Variants in CFAP96 observed in about 807,000 individuals in gnomAD.
CFAP96 encodes cilia and flagella associated protein 96.
the CFAP96 span, chr4:185,415,852 T>C: frequency 9.3e-6 from 15 of 1,613,078 alleles, no homozygotes; most frequent in Admixed American, 1.5e-4. Flanking sequence ...ATAAGATCTA[T>C]ATTTACTATT....
chr4:185,413,264 T>C, the CFAP96 span, among the ~76,000 whole-genome samples: 1 of 152,208 alleles, frequency 6.6e-6, no homozygotes, highest in Non-Finnish European at 1.5e-5. Context: ...GGCAGGTGCC[T>C]GTAACCCCAG....
the CFAP96 span, among the ~76,000 whole-genome samples, chr4:185,414,471 G>C: frequency 2.0e-5 from 3 of 152,128 alleles, no homozygotes; most frequent in African/African-American, 4.8e-5. Context: ...TTGTACTCCA[G>C]TGGTTTTAAA....
the CFAP96 span, among the ~76,000 whole-genome samples, chr4:185,409,846 TGAG>T: frequency 6.6e-6 from 1 of 152,116 alleles, no homozygotes; most frequent in African/African-American, 2.4e-5. Context: ...GTAATGTGAC[TGAG>T]GAGGCAGAGA....
At chr4:185,443,323 T>TATAC in the CFAP96 span, among the ~76,000 whole-genome samples, 11 of 34,184 alleles carry the variant, frequency 3.2e-4, no homozygotes, top group African/African-American at 9.6e-4. Flanking sequence ...TTTTTATGTA[T>TATAC]ATATATATAT....
At chr4:185,428,520 C>T in the CFAP96 span, among the ~76,000 whole-genome samples, 1 of 146,384 alleles carries the variant, frequency 6.8e-6, no homozygotes, top group Non-Finnish European at 1.5e-5. Context: ...TATAGTGAGC[C>T]AAGAACATGC....
chr4:185,411,162 A>AG, the CFAP96 span, among the ~76,000 whole-genome samples: 2 of 151,840 alleles, frequency 1.3e-5, no homozygotes, highest in Non-Finnish European at 2.9e-5. Flanking sequence ...AATGATATGA[A>AG]GAATGAAAAA....
At chr4:185,408,552 A>T in the CFAP96 span, 1 of 1,075,242 alleles carries the variant, frequency 9.3e-7, no homozygotes, top group Non-Finnish European at 1.3e-6. Flanking sequence ...TTAGTTCCTT[A>T]TAAAAATGCC....
the CFAP96 span, among the ~76,000 whole-genome samples, chr4:185,433,396 C>CAA: frequency 1.1e-4 from 3 of 27,952 alleles, no homozygotes; most frequent in African/African-American, 3.2e-4. Context: ...GACTCCATCT[C>CAA]AAAAAAAAAA....
the CFAP96 span, among the ~76,000 whole-genome samples, chr4:185,432,627 C>T: frequency 6.6e-6 from 1 of 152,012 alleles, no homozygotes; most frequent in African/African-American, 2.4e-5. Flanking sequence ...CTTTTGGAGG[C>T]CGAGCTAGGA....
the CFAP96 span, among the ~76,000 whole-genome samples, chr4:185,420,036 T>C: frequency 2.0e-5 from 3 of 152,330 alleles, no homozygotes; most frequent in Middle Eastern, 6.8e-3. Context: ...CAGTAATCTA[T>C]AAGGATTCCA....
chr4:185,420,629 A>C, the CFAP96 span, among the ~76,000 whole-genome samples: 2 of 152,346 alleles, frequency 1.3e-5, no homozygotes, highest in East Asian at 3.9e-4. Flanking sequence ...GCAGAATTTA[A>C]AGATTTTCAG....
At chr4:185,410,996 C>G in the CFAP96 span, among the ~76,000 whole-genome samples, 3 of 149,364 alleles carry the variant, frequency 2.0e-5, no homozygotes, top group African/African-American at 7.4e-5. Flanking sequence ...CTAACATGTC[C>G]AACTTAAGAA....
At chr4:185,425,940 T>A in the CFAP96 span, 4 of 1,540,682 alleles carry the variant, frequency 2.6e-6, no homozygotes, top group African/African-American at 2.7e-5. Context: ...TGAAGTGGTG[T>A]CACCGCACGG....
the CFAP96 span, among the ~76,000 whole-genome samples, chr4:185,447,488 A>G: frequency 1.3e-5 from 2 of 151,972 alleles, no homozygotes; most frequent in African/African-American, 2.4e-5. Context: ...CCGATTTTAT[A>G]TTTTTTCAAA....
At chr4:185,423,522 G>C in the CFAP96 span, among the ~76,000 whole-genome samples, 1 of 151,686 alleles carries the variant, frequency 6.6e-6, no homozygotes, top group Admixed American at 6.6e-5. Context: ...ACAAAGATTC[G>C]GGTACATGGA....
the CFAP96 span, among the ~76,000 whole-genome samples, chr4:185,434,635 T>G: frequency 6.6e-6 from 1 of 152,102 alleles, no homozygotes; most frequent in South Asian, 2.1e-4. Flanking sequence ...TATAATTTAG[T>G]GGATACAGAA....
chr4:185,418,693 T>G, the CFAP96 span: 69 of 1,614,032 alleles, frequency 4.3e-5, no homozygotes, highest in Non-Finnish European at 5.8e-5. Context: ...TGGCAAATTC[T>G]GAACACAAGG....
chr4:185,417,659 T>C, the CFAP96 span, among the ~76,000 whole-genome samples: 1 of 152,308 alleles, frequency 6.6e-6, no homozygotes, highest in Non-Finnish European at 1.5e-5. Flanking sequence ...TCATACAACT[T>C]CGTGCCTTGA....
chr4:185,429,252 A>G, the CFAP96 span: 29 of 496,580 alleles, frequency 5.8e-5, no homozygotes, highest in African/African-American at 5.5e-4. Context: ...AAACTCTCAG[A>G]CTGAAAGTAA....
Sources: allele counts gnomAD v4.1 joint callset (sites outside exome capture counted in the v4.1 genomes callset), GRCh38; gene constraint gnomAD v4.1.1; transcripts MANE v1.5; gene names NCBI Gene and HGNC (gene_info 2026-07-23, HGNC 2026-07-21).